CLIC4: variants seen among roughly 807,000 people sequenced by gnomAD.
The protein encoded by CLIC4 is CLIC family member 4, also known as chloride intracellular channel protein 4.
A neutral mutation model predicts 24.6 loss-of-function variants in CLIC4; 13 were observed. The ratio of observed to expected loss-of-function variants is 0.53; its 90% confidence interval spans 0.34 to 0.84. CLIC4 has a LOEUF of 0.84. Ranked by LOEUF, CLIC4 falls within the 40% of genes least tolerant of loss-of-function variation. The pLI is 0.01. For missense variants in CLIC4, 227 were observed against 301.7 expected (o/e 0.75, Z 1.83); for synonymous variants, 104 against 111.3 (o/e 0.93, Z 0.41).
intron 1 of CLIC4, among the ~76,000 whole-genome samples, chr1:24,760,203 A>G (rs2124088700): frequency 6.6e-6 from 1 of 151,980 alleles, no homozygotes; most frequent in Non-Finnish European, 1.5e-5. Context: ...CGTCTCTACT[A>G]AGACTACAAA....
chr1:24,759,473 T>C (rs1638892940), intron 1 of CLIC4, among the ~76,000 whole-genome samples: 1 of 145,520 alleles, frequency 6.9e-6, no homozygotes, highest in Non-Finnish European at 1.5e-5. Context: ...ATACGTGACT[T>C]TTTTTTTTTT....
intron 1 of CLIC4, among the ~76,000 whole-genome samples, chr1:24,780,818 T>A (rs6667648): frequency 6.6e-6 from 1 of 152,154 alleles, no homozygotes; most frequent in Admixed American, 6.5e-5. Flanking sequence ...CTGGGCACGG[T>A]GTCTCATGCC....
At chr1:24,751,017 CTGT>C (rs766827722) in intron 1 of CLIC4, among the ~76,000 whole-genome samples, 6 of 152,050 alleles carry the variant, frequency 3.9e-5, no homozygotes, top group Non-Finnish European at 8.8e-5. Context: ...TCAGAGAATT[CTGT>C]TGTTGAGCAT....
intron 1 of CLIC4, among the ~76,000 whole-genome samples, chr1:24,764,561 G>C (rs1261625701): frequency 1.3e-5 from 2 of 151,998 alleles, no homozygotes; most frequent in Non-Finnish European, 2.9e-5. Flanking sequence ...GGCTGAGGTG[G>C]GAGGATTGCT....
chr1:24,819,602 T>C (rs1639705067), intron 3 of CLIC4, among the ~76,000 whole-genome samples: 1 of 151,960 alleles, frequency 6.6e-6, no homozygotes, highest in African/African-American at 2.4e-5. Context: ...TATGCCCAGC[T>C]AATTTTTTCT....
intron 1 of CLIC4, among the ~76,000 whole-genome samples, chr1:24,752,367 A>G (rs551682966): frequency 6.6e-6 from 1 of 152,220 alleles, no homozygotes; most frequent in South Asian, 2.1e-4. Context: ...AATGTCTTAG[A>G]TGTTAGGGTG....
chr1:24,785,514 A>G (rs1291416461), intron 1 of CLIC4, among the ~76,000 whole-genome samples: 1 of 152,164 alleles, frequency 6.6e-6, no homozygotes, highest in Non-Finnish European at 1.5e-5. Flanking sequence ...CAGCTTATAA[A>G]ACAGCTAGAC....
chr1:24,821,570 A>G (rs1391537668), intron 3 of CLIC4, among the ~76,000 whole-genome samples: 1 of 152,096 alleles, frequency 6.6e-6, no homozygotes, highest in East Asian at 1.9e-4. Flanking sequence ...GTTTAGAGAC[A>G]GGGTCTCACT....
intron 2 of CLIC4, among the ~76,000 whole-genome samples, chr1:24,808,903 C>A (rs1400319584): frequency 6.6e-6 from 1 of 152,020 alleles, no homozygotes; most frequent in East Asian, 1.9e-4. Context: ...GTCTCAAACT[C>A]CCGACCTCAA....
intron 1 of CLIC4, 97 bp from the exon 2 acceptor site, chr1:24,797,645 T>C: frequency 1.3e-6 from 1 of 778,412 alleles, no homozygotes; most frequent in African/African-American, 1.8e-5. Flanking sequence ...TAACTTTTCC[T>C]GGCTTCTTGT....
At chr1:24,790,578 G>T (rs1639323059) in intron 1 of CLIC4, among the ~76,000 whole-genome samples, 1 of 152,140 alleles carries the variant, frequency 6.6e-6, no homozygotes, top group Non-Finnish European at 1.5e-5. Flanking sequence ...CCTTATTACT[G>T]CTGGGGTGGG....
intron 1 of CLIC4, among the ~76,000 whole-genome samples, chr1:24,756,101 G>A (rs1340867761): frequency 2.7e-5 from 4 of 150,024 alleles, no homozygotes; most frequent in Admixed American, 1.4e-4. Flanking sequence ...CTGGGTTCAC[G>A]CCATTCTCCT....
chr1:24,791,907 G>T (rs963685021), intron 1 of CLIC4, among the ~76,000 whole-genome samples: 3 of 151,254 alleles, frequency 2.0e-5, no homozygotes, highest in Non-Finnish European at 4.4e-5. Context: ...AAATAAGCCA[G>T]CCATGGTGGT....
intron 2 of CLIC4, among the ~76,000 whole-genome samples, chr1:24,798,578 A>T (rs2124132789): frequency 6.6e-6 from 1 of 152,300 alleles, no homozygotes. Context: ...ACATTCATAC[A>T]TCCCCTTCCC....
intron 1 of CLIC4, among the ~76,000 whole-genome samples, chr1:24,749,284 A>G (rs889237117): frequency 2.0e-5 from 3 of 152,136 alleles, no homozygotes; most frequent in African/African-American, 7.2e-5. Flanking sequence ...CCAGAGTGGT[A>G]TGTTGAACAG....
chr1:24,752,857 G>C lies in CLIC4; in HGVS notation c.72+7232G>C, dbSNP rs563536382. The stretch of plus-strand genomic sequence containing the variant: ...TCTGCCTCAGCCTCTGGAGTAGCTG[G>C]GACTACAGGCGCGTGCCACCATGCT... On this transcript the variant is annotated intron_variant, in intron 1 of 5. Coordinates refer to ENST00000374379, the MANE Select transcript of CLIC4 (RefSeq NM_013943.3). Among the ~76,000 whole-genome samples, 7 of 152,222 alleles carry C rather than the reference G, an allele frequency of 4.6e-5. No homozygotes were observed. The East Asian group carries it at 1.2e-3, about 25-fold the overall frequency.
At chr1:24,780,841 G>C (rs1196275901) in intron 1 of CLIC4, among the ~76,000 whole-genome samples, 2 of 151,872 alleles carry the variant, frequency 1.3e-5, no homozygotes, top group African/African-American at 2.4e-5. Context: ...TAATCCCAGT[G>C]CTTTGGGAGG....
intron 3 of CLIC4, among the ~76,000 whole-genome samples, chr1:24,821,247 A>G (rs975773524): frequency 6.6e-6 from 1 of 152,216 alleles, no homozygotes; most frequent in African/African-American, 2.4e-5. Context: ...CTCTGAGGGA[A>G]AGTGACATTA....
At chr1:24,755,265 C>T (rs1313509519) in intron 1 of CLIC4, among the ~76,000 whole-genome samples, 2 of 150,778 alleles carry the variant, frequency 1.3e-5, no homozygotes, top group East Asian at 3.9e-4. Context: ...CACTCCTGGC[C>T]CCATCTCTAC....
Sources: gnomAD v4.1 joint callset for allele counts (sites outside exome capture counted in the v4.1 genomes callset) on GRCh38, gnomAD v4.1.1 for gene constraint, MANE v1.5 for transcripts, NCBI Gene and HGNC (gene_info 2026-07-23, HGNC 2026-07-21) for gene names.